Variants in GADL1 observed in about 807,000 individuals in gnomAD.
The protein encoded by GADL1 is GAD like acidic amino acid decarboxylase 1.
GADL1 carries 71 observed loss-of-function variants against 69.5 expected under a neutral mutation model. The observed-to-expected ratio is 1.02, with a 90% CI of 0.84 to 1.25. The LOEUF is 1.25. GADL1 is among the 50% of genes most tolerant of loss of function. GADL1 has a pLI of 0.00. For missense variants in GADL1, 737 were observed against 631.8 expected, an observed-to-expected ratio of 1.17 and a Z score of -1.79; for synonymous variants, 254 against 214.4, an observed-to-expected ratio of 1.18 and a Z score of -1.62.
At chr3:30,782,507 C>T (rs1696688055) in intron 13 of GADL1, among the ~76,000 whole-genome samples, 1 of 152,076 alleles carries the variant, frequency 6.6e-6, no homozygotes, top group Non-Finnish European at 1.5e-5. Flanking sequence ...AAGGAAAATA[C>T]TACACTTAAG....
chr3:30,780,071 CAGACAGGCAGCA>C (rs988621903), intron 13 of GADL1, among the ~76,000 whole-genome samples: 1 of 152,192 alleles, frequency 6.6e-6, no homozygotes, highest in Non-Finnish European at 1.5e-5. Context: ...GGCATCACAG[CAGACAGGCAGCA>C]AGTGGAGAGC....
At chr3:30,793,535 A>G (rs1696965692) in intron 12 of GADL1, among the ~76,000 whole-genome samples, 1 of 152,128 alleles carries the variant, frequency 6.6e-6, no homozygotes, top group South Asian at 2.1e-4. Context: ...TGTCCTTTCC[A>G]CTAACCTTGG....
chr3:30,828,587 A>G (rs1232510823), intron 11 of GADL1, among the ~76,000 whole-genome samples: 4 of 151,820 alleles, frequency 2.6e-5, no homozygotes, highest in African/African-American at 9.7e-5. Flanking sequence ...TTTAAAACCT[A>G]GGCAATTTAC....
chr3:30,861,795 G>C (rs201923918), intron 1 of GADL1, 30 bp from the exon 2 acceptor site: 5 of 1,474,084 alleles, frequency 3.4e-6, no homozygotes, highest in Non-Finnish European at 4.6e-6. Flanking sequence ...TTGTGTTTGA[G>C]AGATAATCTA....
chr3:30,802,817 A>C (rs1697189641), intron 11 of GADL1, among the ~76,000 whole-genome samples: 1 of 152,214 alleles, frequency 6.6e-6, no homozygotes. Flanking sequence ...AAAACTGATA[A>C]GGCTGGGCAC....
intron 13 of GADL1, among the ~76,000 whole-genome samples, chr3:30,781,824 G>A (rs906145632): frequency 1.2e-4 from 18 of 152,180 alleles, no homozygotes; most frequent in Admixed American, 2.6e-4. Flanking sequence ...GTCAGTTAGT[G>A]ACTATTATTT....
At chr3:30,854,659 A>G in intron 4 of GADL1, 40 bp downstream of exon 4, 3 of 1,210,424 alleles carry the variant, frequency 2.5e-6, no homozygotes, top group Non-Finnish European at 3.6e-6. Flanking sequence ...AAAGTCTCTA[A>G]TCCACGTTTG....
intron 1 of GADL1, among the ~76,000 whole-genome samples, chr3:30,893,189 T>TAGA (rs1405195539): frequency 6.6e-6 from 1 of 152,230 alleles, no homozygotes; most frequent in African/African-American, 2.4e-5. Context: ...GTGCTGACCC[T>TAGA]AGAAACATTA....
chr3:30,759,531 T>C (rs1244076670), intron 14 of GADL1, among the ~76,000 whole-genome samples: 1 of 152,236 alleles, frequency 6.6e-6, no homozygotes, highest in African/African-American at 2.4e-5. Flanking sequence ...ATTTGCTGAA[T>C]TGAACTGAGA....
At chr3:30,820,006 AATT>A (rs1442136911) in intron 11 of GADL1, among the ~76,000 whole-genome samples, 7 of 151,958 alleles carry the variant, frequency 4.6e-5, no homozygotes, top group African/African-American at 1.7e-4. Flanking sequence ...CTGTTATTGA[AATT>A]ATTTTTTTAA....
chr3:30,842,442 C>G (rs9859104), intron 8 of GADL1, among the ~76,000 whole-genome samples: 66,653 of 151,614 alleles, frequency 0.44, 15,354 homozygotes, highest in East Asian at 0.64. Flanking sequence ...GTATATGAAG[C>G]CTCATGATAT....
intron 14 of GADL1, among the ~76,000 whole-genome samples, chr3:30,731,282 A>C (rs1466234000): frequency 1.3e-5 from 2 of 152,192 alleles, no homozygotes; most frequent in Non-Finnish European, 2.9e-5. Context: ...GCCAATTTTA[A>C]ATGTAAAACA....
chr3:30,750,476 C>G (rs1049005454), intron 14 of GADL1, among the ~76,000 whole-genome samples: 7 of 152,084 alleles, frequency 4.6e-5, no homozygotes, highest in Non-Finnish European at 1.0e-4. Context: ...CTTAGGCTTC[C>G]AAAACACCAG....
chr3:30,848,735 A>G (rs1018950298), intron 6 of GADL1, among the ~76,000 whole-genome samples: 1 of 152,196 alleles, frequency 6.6e-6, no homozygotes, highest in African/African-American at 2.4e-5. Context: ...CAGCTGGAAC[A>G]TTCTCCTAGT....
intron 14 of GADL1, among the ~76,000 whole-genome samples, chr3:30,761,446 A>G (rs950343267): frequency 2.0e-5 from 3 of 150,922 alleles, no homozygotes; most frequent in Non-Finnish European, 4.4e-5. Context: ...ACATTTTCGC[A>G]GTCAATTAAC....
At chr3:30,841,114 T>A (rs1037479632) in intron 8 of GADL1, among the ~76,000 whole-genome samples, 2 of 152,018 alleles carry the variant, frequency 1.3e-5, no homozygotes, top group Admixed American at 1.3e-4. Context: ...TGAAACAACA[T>A]AAGTTAAAAG....
At position 30,830,935 on chromosome 3, in the gene GADL1, C is replaced by T. The variant is rs568387005; in HGVS notation, c.1050+2918G>A. Among the ~76,000 whole-genome samples the T allele has an allele frequency of 2.6e-5, 4 of 151,910 alleles. No individual in the cohort carries two copies. The East Asian group carries it at 5.8e-4, about 22-fold the overall frequency. On this transcript the variant is annotated intron_variant, in intron 11 of 14. Coordinates refer to ENST00000282538, the MANE Select transcript of GADL1 (RefSeq NM_207359.3). Reference sequence around the variant, plus strand: ...AATCAGGATGATTACATGACACCTGCTTCTCTCTCATCTCCCATAATTGAT... The same window carrying T: ...AATCAGGATGATTACATGACACCTGTTTCTCTCTCATCTCCCATAATTGAT...
At chr3:30,780,094 C>A (rs535728984) in intron 13 of GADL1, among the ~76,000 whole-genome samples, 26 of 152,264 alleles carry the variant, frequency 1.7e-4, no homozygotes, top group African/African-American at 5.8e-4. Flanking sequence ...AGTGGAGAGC[C>A]CATAAATGGC....
rs181718547 is a variant in GADL1 at position 30,741,419 on chromosome 3, C to T, written c.1393-13004G>A. ...AACACTGCTGATGGAACAAGCCTGC[C>T]TTTCCCCAGTGTGTATTGGAAACAT... On this transcript the variant is annotated intron_variant, in intron 14 of 14. Coordinates refer to ENST00000282538, the MANE Select transcript of GADL1 (RefSeq NM_207359.3). Among the ~76,000 whole-genome samples the T allele has an allele frequency of 6.6e-5, 10 of 152,104 alleles. No homozygotes were observed. In the East Asian group the frequency reaches 1.9e-3, roughly 29 times the overall value.
Sources: gnomAD v4.1 joint callset for allele counts (sites outside exome capture counted in the v4.1 genomes callset) on GRCh38, gnomAD v4.1.1 for gene constraint, MANE v1.5 for transcripts, NCBI Gene and HGNC (gene_info 2026-07-23, HGNC 2026-07-21) for gene names.